Variants in FER observed in about 807,000 individuals in gnomAD.
The protein encoded by FER is FER tyrosine kinase.
A neutral mutation model predicts 111.0 loss-of-function variants in FER; 63 were observed. The ratio of observed to expected loss-of-function variants is 0.57; its 90% CI spans 0.46 to 0.70. The LOEUF (loss-of-function observed/expected upper bound fraction) is 0.70, where lower values mean the gene tolerates loss of function less well. Ranked by LOEUF, FER falls within the 30% of genes least tolerant of loss-of-function variation. The pLI is 0.00. For synonymous variants in FER, 327 were observed against 313.9 expected, an observed-to-expected ratio of 1.04 and a Z score of -0.44; for missense variants, 914 against 954.0, an observed-to-expected ratio of 0.96 and a Z score of 0.55.
intron 9 of FER, among the ~76,000 whole-genome samples, chr5:108,896,511 C>T (rs10077180): frequency 0.93 from 142,014 of 152,192 alleles, 66,425 homozygotes; most frequent in East Asian, 1. Context: ...CTAGGTCTCT[C>T]ACAAATGTTC....
intron 3 of FER, among the ~76,000 whole-genome samples, chr5:108,802,153 TTCAAAATTA>T (rs1756729032): frequency 6.6e-6 from 1 of 152,180 alleles, no homozygotes; most frequent in African/African-American, 2.4e-5. Flanking sequence ...TATTTTTTTT[TTCAAAATTA>T]TTTTGTCTTT....
rs1352206901 is a variant in FER, at chr5:109,124,828, C to T, written c.2048+24309C>T. 3.3e-5 allele frequency among the ~76,000 whole-genome samples: 5 copies of T among 152,194 alleles called. No individual in the cohort carries two copies. In the East Asian group the frequency reaches 9.7e-4, roughly 29 times the overall value. On this transcript the variant is annotated intron_variant, in intron 17 of 19. Coordinates refer to ENST00000281092, the MANE Select transcript of FER (RefSeq NM_005246.4). ...TTGGGAGGCCGAGACAGGTGGATCA[C>T]GAGGTCAGGAGATCCAGACCATTCT...
At chr5:109,114,106 T>C (rs76915988) in intron 17 of FER, among the ~76,000 whole-genome samples, 5,203 of 152,212 alleles carry the variant, frequency 0.034, 147 homozygotes, top group South Asian at 0.084. Flanking sequence ...AACTGTATAT[T>C]GGAAGTGATG....
chr5:108,835,184 A>AACCCCCCCC (rs1481952095), intron 4 of FER, among the ~76,000 whole-genome samples: 1 of 28,882 alleles, frequency 3.5e-5, no homozygotes, highest in African/African-American at 2.1e-4. Context: ...CGTTTGCGCC[A>AACCCCCCCC]CCCCCCCCCC....
chr5:109,141,264 T>A (rs1753494794), intron 17 of FER, among the ~76,000 whole-genome samples: 1 of 152,220 alleles, frequency 6.6e-6, no homozygotes, highest in Non-Finnish European at 1.5e-5. Context: ...AATATTTTAT[T>A]TTATCATGAA....
chr5:108,919,212 T>C (rs1312325531), intron 10 of FER, among the ~76,000 whole-genome samples: 2 of 151,656 alleles, frequency 1.3e-5, no homozygotes, highest in Admixed American at 1.3e-4. Flanking sequence ...CTATTTCTGC[T>C]TGTTTTTTTT....
At chr5:108,875,463 T>C (rs894311254) in intron 8 of FER, among the ~76,000 whole-genome samples, 1 of 152,202 alleles carries the variant, frequency 6.6e-6, no homozygotes, top group Non-Finnish European at 1.5e-5. Context: ...AATTTATTTT[T>C]AATCATCTAT....
At chr5:108,995,760 A>C (rs1957482987) in intron 13 of FER, among the ~76,000 whole-genome samples, 1 of 152,232 alleles carries the variant, frequency 6.6e-6, no homozygotes, top group Non-Finnish European at 1.5e-5. Context: ...AGAATGATTT[A>C]TAATCCTTTG....
chr5:109,187,524 G>A lies in FER; in HGVS notation c.2418G>A (p.Lys806=). ...ATTATAAACCTGAAAATCGCCCTAA[G>A]TTCAGTGAACTTCAGAAAGAGCTCA... ...CWDYKPENRP[K]FSELQKELTI... is the part of the protein sequence containing the mutation. The change falls in exon 20 of 20, where the codon AAG becomes AAA. Residue 806 remains lysine (K), a synonymous_variant. Coordinates refer to ENST00000281092, the MANE Select transcript of FER (RefSeq NM_005246.4). 6.2e-7 allele frequency: 1 copy of A among 1,614,086 alleles called. No homozygotes were observed. Among genetic ancestry groups the A allele is most frequent in the South Asian group, 1.1e-5 (1 of 91,074 alleles).
intron 3 of FER, 73 bp downstream of exon 3, chr5:108,798,462 T>C: frequency 8.8e-7 from 1 of 1,130,574 alleles, no homozygotes; most frequent in Non-Finnish European, 1.3e-6. Context: ...GCTCAAACTA[T>C]TGAATGAGCA....
intron 13 of FER, among the ~76,000 whole-genome samples, chr5:108,994,263 A>G (rs1763708582): frequency 6.6e-6 from 1 of 152,156 alleles, no homozygotes; most frequent in Non-Finnish European, 1.5e-5. Flanking sequence ...TCAGTCTTTA[A>G]TCCATCTTGA....
intron 17 of FER, among the ~76,000 whole-genome samples, chr5:109,159,874 T>G (rs553477149): frequency 1.3e-4 from 20 of 152,280 alleles, no homozygotes; most frequent in African/African-American, 4.8e-4. Flanking sequence ...ACTAAGCAGA[T>G]GATCTGCACT....
intron 5 of FER, among the ~76,000 whole-genome samples, chr5:108,861,286 T>A (rs1368980178): frequency 6.6e-6 from 1 of 152,202 alleles, no homozygotes; most frequent in East Asian, 1.9e-4. Context: ...AAAAGTGACT[T>A]TTTAGACTAG....
intron 10 of FER, among the ~76,000 whole-genome samples, chr5:108,929,229 A>C (rs1401589932): frequency 2.0e-5 from 3 of 152,122 alleles, no homozygotes; most frequent in African/African-American, 7.2e-5. Context: ...TTGTGATAGT[A>C]AAAAAGGGTT....
At chr5:108,785,843 A>C (rs1754658512) in intron 2 of FER, among the ~76,000 whole-genome samples, 1 of 152,224 alleles carries the variant, frequency 6.6e-6, no homozygotes, top group Non-Finnish European at 1.5e-5. Context: ...GGTAGGCGTA[A>C]GTCATCCTGC....
rs186692284 is a variant in FER at position 108,993,345 on chromosome 5, C to T, written c.1656+33998C>T. Among the ~76,000 whole-genome samples the T allele has an allele frequency of 6.2e-4, 95 of 152,292 alleles. 1 individual carries two copies. Among genetic ancestry groups the T allele is most frequent in the African/African-American group, 2.3e-3 (94 of 41,566 alleles). ...CGCGGTTAGGAGCTAGAGACCAGCCCGGCCAACACAGCGAAACCCCGTCTC... is the reference window on the plus strand; with the variant it reads ...CGCGGTTAGGAGCTAGAGACCAGCCTGGCCAACACAGCGAAACCCCGTCTC... On this transcript the variant is annotated intron_variant, in intron 13 of 19. Transcript: ENST00000281092.
rs183051084 is a variant in FER at position 109,080,098 on chromosome 5, A to T, written c.1925-20298A>T. On this transcript the variant is annotated intron_variant, in intron 16 of 19. Coordinates refer to ENST00000281092, the MANE Select transcript of FER (RefSeq NM_005246.4). ...TATCTAGAGTGAAAAAGAAATCCCA[A>T]TTATACATAGCATTTTTCTATCTGC... Among the ~76,000 whole-genome samples, 12 of 152,228 alleles carry T rather than the reference A, an allele frequency of 7.9e-5. No homozygotes were observed. The East Asian group carries it at 1.9e-3, about 24-fold the overall frequency.
intron 17 of FER, among the ~76,000 whole-genome samples, chr5:109,171,338 G>A (rs573973247): frequency 2.8e-4 from 42 of 152,250 alleles, no homozygotes; most frequent in Non-Finnish European, 5.7e-4. Flanking sequence ...AAAACACTGG[G>A]TGAAAACTCT....
At chr5:109,006,797 C>G (rs1351863654) in intron 13 of FER, among the ~76,000 whole-genome samples, 1 of 151,950 alleles carries the variant, frequency 6.6e-6, no homozygotes, top group Non-Finnish European at 1.5e-5. Context: ...TAAAATTAGC[C>G]TAAAGTGAAT....
Sources: allele counts gnomAD v4.1 joint callset (sites outside exome capture counted in the v4.1 genomes callset), GRCh38; gene constraint gnomAD v4.1.1; transcripts MANE v1.5; gene names NCBI Gene and HGNC (gene_info 2026-07-23, HGNC 2026-07-21).